PARD3B: variants seen among roughly 807,000 people sequenced by gnomAD.
PARD3B encodes the protein par-3 family cell polarity regulator beta.
PARD3B carries 103 observed loss-of-function variants against 130.2 expected under a neutral mutation model. The ratio of observed to expected loss-of-function variants is 0.79; its 90% CI spans 0.67 to 0.93. The LOEUF (loss-of-function observed/expected upper bound fraction) is 0.93. Ranked by LOEUF, PARD3B falls within the 40% of genes least tolerant of loss-of-function variation. The pLI is 0.00. For synonymous variants in PARD3B, 583 were observed against 553.2 expected (o/e 1.05, Z -0.76); for missense variants, 1,609 against 1,499.2 (o/e 1.07, Z -1.21).
At chr2:205,261,937 A>G (rs1308901771) in intron 16 of PARD3B, among the ~76,000 whole-genome samples, 1 of 152,168 alleles carries the variant, frequency 6.6e-6, no homozygotes, top group Non-Finnish European at 1.5e-5. Flanking sequence ...AGAGTAGTGC[A>G]TGAGAAGGCT....
intron 15 of PARD3B, among the ~76,000 whole-genome samples, chr2:205,200,389 CAGTCTT>C: frequency 6.6e-6 from 1 of 152,282 alleles, no homozygotes; most frequent in Admixed American, 6.5e-5. Context: ...AGACCTCTTT[CAGTCTT>C]AGTTAATTTT....
At chr2:204,759,072 C>G (rs2040793262) in intron 2 of PARD3B, among the ~76,000 whole-genome samples, 1 of 152,118 alleles carries the variant, frequency 6.6e-6, no homozygotes, top group South Asian at 2.1e-4. Flanking sequence ...TTCCTAATAT[C>G]TAAGCTATCA....
chr2:205,148,843 T>G (rs1419298385), intron 10 of PARD3B, among the ~76,000 whole-genome samples: 1 of 152,048 alleles, frequency 6.6e-6, no homozygotes, highest in Non-Finnish European at 1.5e-5. Flanking sequence ...TAATTACACA[T>G]TTGGGAGGCA....
intron 15 of PARD3B, among the ~76,000 whole-genome samples, chr2:205,224,916 A>AT (rs1391732914): frequency 9.9e-5 from 15 of 151,932 alleles, no homozygotes; most frequent in Admixed American, 9.2e-4. Flanking sequence ...CCATAACCAT[A>AT]TTTTTTTCCT....
chr2:205,081,024 G>T (rs1007277407), intron 4 of PARD3B, among the ~76,000 whole-genome samples: 3 of 150,624 alleles, frequency 2.0e-5, no homozygotes, highest in African/African-American at 7.3e-5. Context: ...TATATTCTCT[G>T]TTACAACCCT....
intron 22 of PARD3B, among the ~76,000 whole-genome samples, chr2:205,581,409 GTATATATAAATATATAAATATATATAAA>G (rs1485908934): frequency 3.7e-5 from 3 of 80,330 alleles, no homozygotes; most frequent in Non-Finnish European, 8.9e-5. Flanking sequence ...ATATATATAA[GTATATATAAATATATAAATATATATAAA>G]TATATATAAA....
intron 2 of PARD3B, among the ~76,000 whole-genome samples, chr2:204,844,694 T>G (rs1461943777): frequency 3.3e-5 from 5 of 152,156 alleles, no homozygotes; most frequent in Admixed American, 1.3e-4. Context: ...AAAGCATTGC[T>G]CCAGCTGAGT....
intron 2 of PARD3B, among the ~76,000 whole-genome samples, chr2:204,807,286 T>G (rs1356542174): frequency 6.6e-6 from 1 of 152,156 alleles, no homozygotes; most frequent in Non-Finnish European, 1.5e-5. Flanking sequence ...CAAATTGACA[T>G]TACAATGAGA....
intron 18 of PARD3B, among the ~76,000 whole-genome samples, chr2:205,328,225 T>C (rs1207434): frequency 0.88 from 133,818 of 152,162 alleles, 59,028 homozygotes; most frequent in Admixed American, 0.92. Flanking sequence ...TATCATCTTT[T>C]AATCCTAATG....
At chr2:205,095,453 A>C (rs1702339246) in intron 4 of PARD3B, among the ~76,000 whole-genome samples, 1 of 152,194 alleles carries the variant, frequency 6.6e-6, no homozygotes, top group South Asian at 2.1e-4. Context: ...ATGGCTCTGA[A>C]GATTTTAAAG....
intron 16 of PARD3B, among the ~76,000 whole-genome samples, chr2:205,273,903 G>C (rs915815492): frequency 2.0e-5 from 3 of 152,150 alleles, no homozygotes; most frequent in Non-Finnish European, 4.4e-5. Context: ...AGGTTGTACA[G>C]CTCTGTGGTG....
chr2:205,521,218 T>TA, intron 21 of PARD3B, among the ~76,000 whole-genome samples: 1 of 152,008 alleles, frequency 6.6e-6, no homozygotes, highest in African/African-American at 2.4e-5. Flanking sequence ...ATGGCAAATA[T>TA]CAATTATGTT....
intron 22 of PARD3B, among the ~76,000 whole-genome samples, chr2:205,556,143 C>T (rs1230014294): frequency 6.6e-6 from 1 of 152,134 alleles, no homozygotes; most frequent in African/African-American, 2.4e-5. Context: ...CCCTCTTCAT[C>T]ACAGAGGCCG....
In PARD3B at chr2:204,562,932, G is replaced by A. The variant is rs190815981; in HGVS notation, c.120+16813G>A. 3.3e-3 allele frequency among the ~76,000 whole-genome samples: 507 copies of A among 152,192 alleles called. 3 individuals carry two copies. The highest frequency in any genetic ancestry group is 0.011 in the African/African-American group (467 of 41,508). ...GAGGAAGGGCCACTTGGGAAATGCAGCTGTGGGTCGTAAGGAGTCCCTCAC... is the reference window on the plus strand; with the variant it reads ...GAGGAAGGGCCACTTGGGAAATGCAACTGTGGGTCGTAAGGAGTCCCTCAC... On this transcript the variant is annotated intron_variant, in intron 1 of 22. Coordinates refer to ENST00000406610, the MANE Select transcript of PARD3B (RefSeq NM_001302769.2).
chr2:205,604,694 T>C (rs2054919969), intron 22 of PARD3B, among the ~76,000 whole-genome samples: 1 of 152,216 alleles, frequency 6.6e-6, no homozygotes, highest in Non-Finnish European at 1.5e-5. Context: ...TTGGGGTTGA[T>C]CTTCTCAGGG....
At position 205,458,356 on chromosome 2, in the gene PARD3B, C is replaced by T. The variant is rs967153901; in HGVS notation, c.3044+17684C>T. ...CCCTTCCTTCTGGGATCCAATAAAG[C>T]AAAAATATTTGACCTTTCTGTACAT... is the stretch of plus-strand genomic sequence containing the variant. On this transcript the variant is annotated intron_variant, in intron 20 of 22. Coordinates refer to ENST00000406610, the MANE Select transcript of PARD3B (RefSeq NM_001302769.2). This position sits in a 1 kb window ranked among gnomAD's most constrained non-coding sequence, Gnocchi z 4.8. Among the ~76,000 whole-genome samples the T allele has an allele frequency of 6.6e-6, 1 of 151,844 alleles. No individual in the cohort carries two copies. Among genetic ancestry groups the T allele is most frequent in the African/African-American group, 2.4e-5 (1 of 41,354 alleles).
At chr2:205,317,717 A>C (rs2042609109) in intron 18 of PARD3B, among the ~76,000 whole-genome samples, 1 of 152,200 alleles carries the variant, frequency 6.6e-6, no homozygotes, top group Non-Finnish European at 1.5e-5. Context: ...AAATAAAATG[A>C]AAGTTAAAAG....
At chr2:205,001,408 G>A (rs1694819256) in intron 3 of PARD3B, among the ~76,000 whole-genome samples, 1 of 152,176 alleles carries the variant, frequency 6.6e-6, no homozygotes, top group African/African-American at 2.4e-5. Context: ...GGAATAGGCT[G>A]AACCCCTGTA....
intron 13 of PARD3B, among the ~76,000 whole-genome samples, chr2:205,180,491 C>T (rs1369417360): frequency 1.3e-5 from 2 of 152,006 alleles, no homozygotes; most frequent in East Asian, 3.9e-4. Flanking sequence ...TTGCCACTAC[C>T]AGTTTTTTTA....
Sources: allele counts gnomAD v4.1 joint callset (sites outside exome capture counted in the v4.1 genomes callset), GRCh38; gene constraint gnomAD v4.1.1; non-coding constraint Gnocchi (gnomAD v3.1); transcripts MANE v1.5; gene names NCBI Gene and HGNC (gene_info 2026-07-23, HGNC 2026-07-21).